KIF9: variants seen among roughly 807,000 people sequenced by gnomAD.
KIF9 encodes kinesin family member 9.
Under a neutral mutation model 94.8 loss-of-function variants are expected in KIF9, and 68 were observed. The ratio of observed to expected loss-of-function variants is 0.72; its 90% CI spans 0.59 to 0.88. The LOEUF (loss-of-function observed/expected upper bound fraction) is 0.88, where lower values mean the gene tolerates loss of function less well. Among genes scored for constraint, KIF9 ranks in the 40% least tolerant of loss-of-function variants. KIF9 has a pLI of 0.00. For missense variants in KIF9, 882 were observed against 982.5 expected, an observed-to-expected ratio of 0.90 and a Z score of 1.37; for synonymous variants, 343 against 362.1, an observed-to-expected ratio of 0.95 and a Z score of 0.60.
At chr3:47,245,393 G>A (rs770570175) in intron 14 of KIF9, 28 bp downstream of exon 14, 1 of 1,548,726 alleles carries the variant, frequency 6.5e-7, no homozygotes, top group Non-Finnish European at 8.9e-7. Context: ...TGAGGTGAGT[G>A]CTGTCGGCAA....
chr3:47,235,953 G>T, intron 19 of KIF9, 81 bp downstream of exon 19: 1 of 1,055,232 alleles, frequency 9.5e-7, no homozygotes, highest in Non-Finnish European at 1.5e-6. Context: ...TGCCATCTTT[G>T]TGTTGAGAAC....
chr3:47,254,767 A>C (rs970829056), intron 10 of KIF9, among the ~76,000 whole-genome samples: 1 of 152,192 alleles, frequency 6.6e-6, no homozygotes, highest in African/African-American at 2.4e-5. Flanking sequence ...AGGAGGCCTC[A>C]GTGTCATAAA....
At chr3:47,264,157 C>A in intron 9 of KIF9, 129 bp downstream of exon 9, 5 of 737,570 alleles carry the variant, frequency 6.8e-6, no homozygotes, top group Non-Finnish European at 1.2e-5. Context: ...CTCAGACTCA[C>A]CCCTGGATCC....
Position 47,257,420 on chromosome 3 carries a change from C to T in KIF9, c.1059+63G>A, listed in dbSNP as rs1338749978. 1.1e-5 allele frequency: 16 copies of T among 1,437,770 alleles called. No homozygotes were observed. In the Admixed American group the frequency reaches 2.7e-4, roughly 24 times the overall value. The allele number at this position is 1,437,770 out of a possible 1,614,324, so 89.1% of individuals were successfully genotyped here. A position where few individuals can be genotyped will look rare whatever the true frequency, so the allele number is the denominator to read the frequency against. On this transcript the variant is annotated intron_variant, in intron 10 of 20. Transcript: ENST00000684063. The stretch of plus-strand genomic sequence containing the variant: ...AGGAAGGGAAGGCTCGCTTGTGTGA[C>T]CCAAGCAGCAAACCCATACACTTTC...
At chr3:47,276,471 G>A (rs1022021837) in intron 2 of KIF9, among the ~76,000 whole-genome samples, 3 of 151,148 alleles carry the variant, frequency 2.0e-5, no homozygotes, top group African/African-American at 4.9e-5. Flanking sequence ...CAGGACGATC[G>A]CTTGAACCTG....
chr3:47,255,546 G>A (rs1000016139), intron 10 of KIF9, among the ~76,000 whole-genome samples: 2 of 152,092 alleles, frequency 1.3e-5, no homozygotes, highest in Non-Finnish European at 2.9e-5. Context: ...TGGAGACTGG[G>A]GAGGGAGTGG....
In KIF9 at chr3:47,229,047, G is replaced by A. The variant is rs141801719; in HGVS notation, c.2323-345C>T. On this transcript the variant is annotated intron_variant, in intron 20 of 20. Transcript: ENST00000684063. ...TATCTCCAGAGGAGTTAGGGGCCAG[G>A]TATTCAGAAGGGCCCTCTCTTTGCC... is the stretch of plus-strand genomic sequence containing the variant. Among the ~76,000 whole-genome samples the A allele has an allele frequency of 8.1e-3, 1,229 of 152,328 alleles. 5 individuals are homozygous for A. The highest frequency in any genetic ancestry group is 0.012 in the Non-Finnish European group (843 of 68,036).
At chr3:47,249,706 C>A (rs1169316011) in intron 10 of KIF9, among the ~76,000 whole-genome samples, 2 of 152,118 alleles carry the variant, frequency 1.3e-5, no homozygotes, top group African/African-American at 4.8e-5. Flanking sequence ...ATTCACTTAC[C>A]TCCTGATAAT....
intron 1 of KIF9, chr3:47,282,095 G>T (rs1325404306): frequency 3.1e-6 from 2 of 654,970 alleles, no homozygotes; most frequent in Non-Finnish European, 3.8e-6. Flanking sequence ...GGGCGGCAGT[G>T]GGCTTTGGAC....
At chr3:47,275,598 T>C (rs572170737) in intron 2 of KIF9, 108 bp from the exon 3 acceptor site, 1 of 809,884 alleles carries the variant, frequency 1.2e-6, no homozygotes, top group African/African-American at 1.7e-5. Context: ...GGAAATGAAC[T>C]GTAGGATGAA....
At chr3:47,247,010 A>G (rs2107239300) in intron 12 of KIF9, among the ~76,000 whole-genome samples, 1 of 152,240 alleles carries the variant, frequency 6.6e-6, no homozygotes, top group South Asian at 2.1e-4. Context: ...ATCCTTCATC[A>G]GCTTCATTCT....
Position 47,228,151 on chromosome 3 carries a change from G to A in KIF9, c.*501C>T, listed in dbSNP as rs1698304624. On this transcript the variant is annotated 3_prime_UTR_variant, in exon 21 of 21. Coordinates refer to ENST00000684063, the MANE Select transcript of KIF9 (RefSeq NM_182902.4). ...ACTGGCTCAGAAACACAGAAAAGAT[G>A]TCTTGAGAGAACTTAGGGTCTGAGG... 1 of 152,880 alleles carries A rather than the reference G, an allele frequency of 6.5e-6. No homozygotes were observed. The highest frequency in any genetic ancestry group is 1.5e-5 in the Non-Finnish European group (1 of 68,608). The allele number at this position is 152,880 out of a possible 1,614,324, so 9.5% of individuals were successfully genotyped here.
At position 47,236,532 on chromosome 3, in the gene KIF9, C is replaced by A. The variant is rs754249838; in HGVS notation, c.2012G>T (p.Arg671Leu). The change falls in exon 18 of 21, where the codon CGC (arginine) becomes CTC (leucine). Residue 671 changes from arginine to leucine, a missense_variant. Transcript: ENST00000684063. The part of the protein sequence containing the change: ...LKLKDLKKQY[R>L]SEYQDLRDLR... ...GTCACGCAGGTCCTGGTACTCGCTG[C>A]GGTACTGCTTCTTGAGGTCTTTGAG... 8 of 1,613,798 alleles carry A rather than the reference C, an allele frequency of 5.0e-6. No homozygotes were observed. Among genetic ancestry groups the A allele is most frequent in the African/African-American group, 4.0e-5 (3 of 74,916 alleles).
At position 47,275,330 on chromosome 3, in the gene KIF9, T is replaced by C. The variant is rs115585350; in HGVS notation, c.254A>G (p.Tyr85Cys). ...CATTTAATTAATTAAGTTACCATTATAGCCATCGAGGGCCTGAGAAACCAC... is the reference window on the plus strand; with the variant it reads ...CATTTAATTAATTAAGTTACCATTACAGCCATCGAGGGCCTGAGAAACCAC... Reference protein sequence around the residue: ...KDVVSQALDGYNGTIMCYGQT... With the variant: ...KDVVSQALDGCNGTIMCYGQT... Residue 85 changes from tyrosine (Y) to cysteine (C), a missense_variant, in exon 3 of 21, where the codon TAT (tyrosine) becomes TGT (cysteine). Coordinates refer to ENST00000684063, the MANE Select transcript of KIF9 (RefSeq NM_182902.4). 6 of 1,607,558 alleles carry C rather than the reference T, an allele frequency of 3.7e-6. No homozygotes were observed. Among genetic ancestry groups the C allele is most frequent in the African/African-American group, 1.3e-5 (1 of 74,652 alleles).
At chr3:47,258,160 GC>G (rs1700740628) in intron 9 of KIF9, among the ~76,000 whole-genome samples, 1 of 152,204 alleles carries the variant, frequency 6.6e-6, no homozygotes, top group African/African-American at 2.4e-5. Flanking sequence ...CTAAAAAGAA[GC>G]AGGTAAAAAT....
chr3:47,259,508 G>A (rs931691099), intron 9 of KIF9, among the ~76,000 whole-genome samples: 1 of 152,216 alleles, frequency 6.6e-6, no homozygotes, highest in Non-Finnish European at 1.5e-5. Flanking sequence ...TTCTGTGAGA[G>A]AAGGGGCAGA....
In KIF9 at chr3:47,282,551, A is replaced by T; in HGVS notation, c.-62T>A. The T allele has an allele frequency of 9.9e-7, 1 of 1,013,138 alleles. No homozygotes were observed. Among genetic ancestry groups the T allele is most frequent in the Non-Finnish European group, 1.2e-6 (1 of 845,906 alleles). The allele number at this position is 1,013,138 out of a possible 1,614,324, so 62.8% of individuals were successfully genotyped here. ...GACTGCCGCAACCGAAACCACCTGCACTCCCCACGCGGGGCTGCCTGGCTG... is the reference window on the plus strand; with the variant it reads ...GACTGCCGCAACCGAAACCACCTGCTCTCCCCACGCGGGGCTGCCTGGCTG... On this transcript the variant is annotated 5_prime_UTR_variant, in exon 1 of 21. Transcript: ENST00000684063.
chr3:47,246,619 G>A (rs1699941601), intron 12 of KIF9: 1 of 149,798 alleles, frequency 6.7e-6, no homozygotes, highest in African/African-American at 2.5e-5. Context: ...TCTGCCTGCT[G>A]TCTTCAGATG....
chr3:47,279,462 G>A (rs550555021), intron 1 of KIF9, among the ~76,000 whole-genome samples: 1 of 148,780 alleles, frequency 6.7e-6, no homozygotes, highest in South Asian at 2.1e-4. Flanking sequence ...GGGTGACAGA[G>A]CAAGCTCAGT....
Sources: allele counts gnomAD v4.1 joint callset (sites outside exome capture counted in the v4.1 genomes callset), GRCh38; gene constraint gnomAD v4.1.1; transcripts MANE v1.5; gene names NCBI Gene and HGNC (gene_info 2026-07-23, HGNC 2026-07-21).